The following SLC7A11 variants were observed in gnomAD, a reference collection of about 807,000 sequenced individuals.
SLC7A11 encodes the protein solute carrier family 7 member 11.
Under a neutral mutation model 54.5 loss-of-function variants are expected in SLC7A11, and 35 were observed. The ratio of observed to expected loss-of-function variants is 0.64; its 90% CI spans 0.49 to 0.85. The LOEUF is 0.85. Among genes scored for constraint, SLC7A11 ranks in the 40% least tolerant of loss-of-function variants. SLC7A11 has a pLI of 0.00. For synonymous variants in SLC7A11, 230 were observed against 225.2 expected, an observed-to-expected ratio of 1.02 and a Z score of -0.19; for missense variants, 583 against 618.1, an observed-to-expected ratio of 0.94 and a Z score of 0.60.
At chr4:138,208,052 G>T (rs890799674) in intron 6 of SLC7A11, among the ~76,000 whole-genome samples, 4 of 152,050 alleles carry the variant, frequency 2.6e-5, no homozygotes, top group South Asian at 2.1e-4. Flanking sequence ...CTGCCTTAAA[G>T]GTCTTTGGGC....
rs1472675380 is a variant in SLC7A11 at position 138,167,827 on chromosome 4, C to T, written c.*4129G>A. The T allele has an allele frequency of 1.3e-5, 2 of 152,110 alleles. No homozygotes were observed. The highest frequency in any genetic ancestry group is 2.9e-5 in the Non-Finnish European group (2 of 68,020). The allele number at this position is 152,110 out of a possible 1,614,324, so 9.4% of individuals were successfully genotyped here. On this transcript the variant is annotated 3_prime_UTR_variant, in exon 12 of 12. Transcript: ENST00000280612. The stretch of plus-strand genomic sequence containing the variant: ...AATATATTCAAGTAAAATAAAATGT[C>T]TTTCATGGGCATTCAAATCCCACAT...
chr4:138,199,458 C>T (rs150707554), intron 6 of SLC7A11, among the ~76,000 whole-genome samples: 9 of 152,092 alleles, frequency 5.9e-5, no homozygotes, highest in Non-Finnish European at 7.4e-5. Context: ...AATGGATCAT[C>T]GACCACAACT....
chr4:138,238,094 G>T (rs551317200), intron 1 of SLC7A11, among the ~76,000 whole-genome samples: 20 of 152,040 alleles, frequency 1.3e-4, no homozygotes, highest in Non-Finnish European at 2.4e-4. Context: ...ATTTATATTT[G>T]TGTACTTTAG....
In SLC7A11 at chr4:138,164,216, T is replaced by A. The variant is rs906371508; in HGVS notation, c.*7740A>T. The A allele has an allele frequency of 6.6e-6, 1 of 152,364 alleles. No individual in the cohort carries two copies. Among genetic ancestry groups the A allele is most frequent in the Non-Finnish European group, 1.5e-5 (1 of 67,980 alleles). The allele number at this position is 152,364 out of a possible 1,614,324, so 9.4% of individuals were successfully genotyped here. A position where few individuals can be genotyped will look rare whatever the true frequency, so the allele number is the denominator to read the frequency against. On this transcript the variant is annotated 3_prime_UTR_variant, in exon 12 of 12. Coordinates refer to ENST00000280612, the MANE Select transcript of SLC7A11 (RefSeq NM_014331.4). ...AGAAGCGTGACAGGTATAATACATATAAATACAACCAAAATTCAATTCAAT... is the reference window on the plus strand; with the variant it reads ...AGAAGCGTGACAGGTATAATACATAAAAATACAACCAAAATTCAATTCAAT...
intron 6 of SLC7A11, among the ~76,000 whole-genome samples, chr4:138,201,065 T>C (rs1390423867): frequency 6.6e-6 from 1 of 152,052 alleles, no homozygotes; most frequent in Non-Finnish European, 1.5e-5. Context: ...AAGAAAAGCA[T>C]TGTGCAAGGG....
intron 6 of SLC7A11, among the ~76,000 whole-genome samples, chr4:138,213,795 T>C (rs779705089): frequency 2.0e-5 from 3 of 152,156 alleles, no homozygotes; most frequent in Non-Finnish European, 2.9e-5. Flanking sequence ...TTATGCATCA[T>C]GAAAGCTGTT....
chr4:138,191,817 T>C (rs1003673675), intron 6 of SLC7A11, among the ~76,000 whole-genome samples: 5 of 152,106 alleles, frequency 3.3e-5, no homozygotes, highest in African/African-American at 1.2e-4. Flanking sequence ...TCTAAAGACT[T>C]AGAGTTTGTC....
At chr4:138,174,202 T>C (rs933083827) in intron 11 of SLC7A11, among the ~76,000 whole-genome samples, 14 of 152,222 alleles carry the variant, frequency 9.2e-5, no homozygotes, top group African/African-American at 3.4e-4. Flanking sequence ...CCCAGATGTC[T>C]GCTATCTTAG....
Position 138,232,318 on chromosome 4 carries a change from G to T in SLC7A11, c.469C>A (p.Gln157Lys). 6.2e-7 allele frequency: 1 copy of T among 1,613,456 alleles called. No homozygotes were observed. Among genetic ancestry groups the T allele is most frequent in the Non-Finnish European group, 8.5e-7 (1 of 1,179,612 alleles). The part of the protein sequence containing the change: ...GRYILEPFFI[Q>K]CEIPELAIKL... ...ATCGCAAGTTCAGGGATTTCACATT[G>T]AATAAAAAATGGTTCCAGAATGTAG... The change falls in exon 3 of 12, where the codon CAA (glutamine) becomes AAA (lysine). Residue 157 changes from glutamine (Q) to lysine (K), a missense_variant. Gln to Lys is a moderately conservative substitution (Grantham distance 53). Transcript: ENST00000280612.
At chr4:138,235,880 A>C (rs1213275136) in intron 2 of SLC7A11, among the ~76,000 whole-genome samples, 1 of 152,240 alleles carries the variant, frequency 6.6e-6, no homozygotes, top group Admixed American at 6.5e-5. Context: ...CTTGGTGACC[A>C]ACTAAGTTGT....
chr4:138,207,551 A>C (rs925499046), intron 6 of SLC7A11, among the ~76,000 whole-genome samples: 1 of 152,004 alleles, frequency 6.6e-6, no homozygotes, highest in Non-Finnish European at 1.5e-5. Flanking sequence ...CTAAAAATAC[A>C]AAAATTAGCT....
At chr4:138,216,092 G>A (rs555602336) in intron 5 of SLC7A11, among the ~76,000 whole-genome samples, 1 of 152,296 alleles carries the variant, frequency 6.6e-6, no homozygotes, top group South Asian at 2.1e-4. Flanking sequence ...CTCCAGGAAT[G>A]ACCATGATAT....
intron 11 of SLC7A11, chr4:138,174,707 G>A (rs539055805): frequency 6.6e-5 from 10 of 152,094 alleles, no homozygotes; most frequent in Middle Eastern, 3.2e-3. Flanking sequence ...AAAGTCTTTC[G>A]GCTTTAAGGA....
intron 9 of SLC7A11, among the ~76,000 whole-genome samples, chr4:138,181,403 C>G (rs1736738925): frequency 6.7e-6 from 1 of 149,640 alleles, no homozygotes; most frequent in Admixed American, 6.6e-5. Context: ...CTTAGCAAGT[C>G]TCTGCAGCTG....
In SLC7A11 at chr4:138,168,100, C is replaced by T. The variant is rs1245901110; in HGVS notation, c.*3856G>A. ...AACAGGAATTATTTTACTTTACTCA[C>T]ATGGACAATGCAGATTTTGTGGGGG... On this transcript the variant is annotated 3_prime_UTR_variant, in exon 12 of 12. Transcript: ENST00000280612. The T allele has an allele frequency of 6.6e-6, 1 of 152,164 alleles. No homozygotes were observed. Among genetic ancestry groups the T allele is most frequent in the Non-Finnish European group, 1.5e-5 (1 of 68,026 alleles). The allele number at this position is 152,164 out of a possible 1,614,324, so 9.4% of individuals were successfully genotyped here.
At chr4:138,173,745 T>C (rs1736496238) in intron 11 of SLC7A11, among the ~76,000 whole-genome samples, 1 of 151,934 alleles carries the variant, frequency 6.6e-6, no homozygotes, top group Admixed American at 6.6e-5. Context: ...CCCAGCACAG[T>C]CTCGGTAAAT....
chr4:138,176,990 G>A (rs1736586060), intron 11 of SLC7A11: 1 of 152,126 alleles, frequency 6.6e-6, no homozygotes, highest in Non-Finnish European at 1.5e-5. Flanking sequence ...AAGGCAATCA[G>A]TGTGCCTGTG....
intron 1 of SLC7A11, among the ~76,000 whole-genome samples, chr4:138,237,720 T>TAC (rs1738253675): frequency 1.1e-4 from 1 of 9,216 alleles, no homozygotes; most frequent in Non-Finnish European, 2.2e-4. Flanking sequence ...TATATATATA[T>TAC]ATATATATAT....
chr4:138,171,817 TA>T lies in SLC7A11; in HGVS notation c.*138del. Reference sequence around the variant, plus strand: ...TTCTTAGAAATTAGTTCGAATATGCTAAAATATATGAATAAAAATAACTGAC... The same window carrying T: ...TTCTTAGAAATTAGTTCGAATATGCTAAATATATGAATAAAAATAACTGAC... On this transcript the variant is annotated 3_prime_UTR_variant, in exon 12 of 12. Coordinates refer to ENST00000280612, the MANE Select transcript of SLC7A11 (RefSeq NM_014331.4). 2 of 1,130,850 alleles carry T rather than the reference TA, an allele frequency of 1.8e-6. No homozygotes were observed. The highest frequency in any genetic ancestry group is 2.4e-6 in the Non-Finnish European group (2 of 821,378). The allele number at this position is 1,130,850 out of a possible 1,614,324, so 70.1% of individuals were successfully genotyped here. A position where few individuals can be genotyped will look rare whatever the true frequency, so the allele number is the denominator to read the frequency against.
Sources: gnomAD v4.1 joint callset for allele counts (sites outside exome capture counted in the v4.1 genomes callset) on GRCh38, gnomAD v4.1.1 for gene constraint, MANE v1.5 for transcripts, NCBI Gene and HGNC (gene_info 2026-07-23, HGNC 2026-07-21) for gene names.